The following CREBBP variants were observed in gnomAD, a reference collection of about 807,000 sequenced individuals.
CREBBP encodes the protein CREB binding lysine acetyltransferase.
CREBBP carries 19 observed loss-of-function variants against 265.0 expected under a neutral mutation model. The ratio of observed to expected loss-of-function variants is 0.07; its 90% confidence interval spans 0.05 to 0.11. The LOEUF (loss-of-function observed/expected upper bound fraction) is 0.11, where lower values mean the gene tolerates loss of function less well. Ranked by LOEUF, CREBBP falls within the 10% of genes least tolerant of loss-of-function variation. CREBBP has a pLI of 1.00. For missense variants in CREBBP, 2,525 were observed against 3,219.0 expected, an observed-to-expected ratio of 0.78 and a Z score of 5.22; for synonymous variants, 1,457 against 1,223.7, an observed-to-expected ratio of 1.19 and a Z score of -3.98.
chr16:3,757,605 C>T (rs547415499), intron 18 of CREBBP, among the ~76,000 whole-genome samples: 17 of 152,124 alleles, frequency 1.1e-4, no homozygotes, highest in Non-Finnish European at 2.2e-4. Context: ...CAGCCAGAAA[C>T]GCTTCCCCAT....
At chr16:3,780,993 C>A in intron 7 of CREBBP, 115 bp from the exon 8 acceptor site, 1 of 1,218,292 alleles carries the variant, frequency 8.2e-7, no homozygotes. Context: ...TCAGGAGAGC[C>A]AAGTGATGTA....
chr16:3,843,156 T>A (rs1308066325), intron 2 of CREBBP, among the ~76,000 whole-genome samples: 1 of 152,128 alleles, frequency 6.6e-6, no homozygotes, highest in Non-Finnish European at 1.5e-5. Context: ...TGCATTGCAT[T>A]AGTGTTAACA....
intron 1 of CREBBP, among the ~76,000 whole-genome samples, chr16:3,865,991 T>C (rs1251585817): frequency 6.6e-6 from 1 of 152,174 alleles, no homozygotes; most frequent in Non-Finnish European, 1.5e-5. Context: ...GCCCAGGTGA[T>C]TAACTTCAGC....
Position 3,850,287 on chromosome 16 carries a change from G to C in CREBBP, c.798+10C>G. 6.2e-7 allele frequency: 1 copy of C among 1,614,074 alleles called. No individual in the cohort carries two copies. The highest frequency in any genetic ancestry group is 8.5e-7 in the Non-Finnish European group (1 of 1,179,912). ...GGTAGGAAGTATTGAAAGTGCTTCA[G>C]TTCACTTACCTTGGCCATGCCTCCT... On this transcript the variant is annotated intron_variant, in intron 2 of 30. Transcript: ENST00000262367.
intron 1 of CREBBP, among the ~76,000 whole-genome samples, chr16:3,860,703 T>G (rs917766683): frequency 1.3e-5 from 2 of 152,206 alleles, no homozygotes; most frequent in African/African-American, 4.8e-5. Flanking sequence ...ACAAAAAACT[T>G]GATCCAGCAA....
At chr16:3,872,896 C>T (rs574741131) in intron 1 of CREBBP, among the ~76,000 whole-genome samples, 1 of 152,374 alleles carries the variant, frequency 6.6e-6, no homozygotes, top group African/African-American at 2.4e-5. Flanking sequence ...TCAACCATCC[C>T]AGGGCCTGCC....
At chr16:3,877,993 G>A (rs1362423426) in intron 1 of CREBBP, among the ~76,000 whole-genome samples, 1 of 152,180 alleles carries the variant, frequency 6.6e-6, no homozygotes, top group Non-Finnish European at 1.5e-5. Flanking sequence ...TCCAATAATG[G>A]ACACTACTAT....
At chr16:3,761,481 C>T in intron 16 of CREBBP, 1 of 508,092 alleles carries the variant, frequency 2.0e-6, no homozygotes, top group Non-Finnish European at 3.9e-6. Flanking sequence ...AGGAAAAACC[C>T]ATGTGTTTAA....
intron 18 of CREBBP, 118 bp downstream of exon 18, chr16:3,757,691 A>T: frequency 7.1e-7 from 1 of 1,416,952 alleles, no homozygotes. Context: ...CTGTGTCACC[A>T]GACAGCAGAT....
intron 2 of CREBBP, among the ~76,000 whole-genome samples, chr16:3,835,689 C>T (rs1243838497): frequency 6.7e-6 from 1 of 150,350 alleles, no homozygotes; most frequent in Non-Finnish European, 1.5e-5. Context: ...ACGCCATTCT[C>T]CTGCCTCAGC....
intron 5 of CREBBP, among the ~76,000 whole-genome samples, chr16:3,791,447 G>T (rs1351904140): frequency 1.3e-5 from 2 of 152,180 alleles, no homozygotes; most frequent in Admixed American, 6.5e-5. Flanking sequence ...TATACAAAGA[G>T]TTCTGGGGAC....
At chr16:3,847,566 C>G (rs1182274205) in intron 2 of CREBBP, among the ~76,000 whole-genome samples, 1 of 152,230 alleles carries the variant, frequency 6.6e-6, no homozygotes, top group African/African-American at 2.4e-5. Flanking sequence ...CAAGAGACAA[C>G]TGTCCCCAGC....
chr16:3,763,390 G>A, intron 16 of CREBBP, among the ~76,000 whole-genome samples: 1 of 151,314 alleles, frequency 6.6e-6, no homozygotes, highest in Admixed American at 6.6e-5. Context: ...TGAACTCTGG[G>A]CCTCAAGTGA....
intron 3 of CREBBP, among the ~76,000 whole-genome samples, chr16:3,810,339 G>C (rs2053912934): frequency 1.3e-5 from 2 of 152,214 alleles, no homozygotes; most frequent in Non-Finnish European, 1.5e-5. Context: ...GAAAGGTAAA[G>C]TGATTCGTGC....
intron 1 of CREBBP, among the ~76,000 whole-genome samples, chr16:3,870,898 C>A (rs2055279994): frequency 6.6e-6 from 1 of 151,984 alleles, no homozygotes; most frequent in African/African-American, 2.4e-5. Context: ...CCATCTCACA[C>A]CTGTAATTCC....
Position 3,773,731 on chromosome 16 carries a change from G to C in CREBBP, c.2463+20C>G, listed in dbSNP as rs2141214005. 6.2e-7 allele frequency: 1 copy of C among 1,612,816 alleles called. No homozygotes were observed. Among genetic ancestry groups the C allele is most frequent in the Non-Finnish European group, 8.5e-7 (1 of 1,179,144 alleles). ...GAATTTTATTTCCTAGGGAGCCACG[G>C]TCCCAGTGGGGCACAGTACCTGTGA... On this transcript the variant is annotated intron_variant, in intron 13 of 30. Transcript: ENST00000262367.
intron 9 of CREBBP, 128 bp downstream of exon 9, chr16:3,778,572 G>T: frequency 1.2e-6 from 1 of 831,512 alleles, no homozygotes; most frequent in South Asian, 1.3e-5. Context: ...TCCTTGGTCA[G>T]TGGCCTCAAG....
In CREBBP at chr16:3,849,448, T is replaced by TGTGTG. The variant is rs1567360695; in HGVS notation, c.798+844_798+848dup. Among the ~76,000 whole-genome samples the TGTGTG allele has an allele frequency of 8.9e-4, 45 of 50,384 alleles. 2 individuals are homozygous for TGTGTG. The highest frequency in any genetic ancestry group is 4.5e-3 in the East Asian group (5 of 1,118). 33.1% of individuals were successfully genotyped at this position (50,384 alleles called of 152,430 possible). A position where few individuals can be genotyped will look rare whatever the true frequency, so the allele number is the denominator to read the frequency against. On this transcript the variant is annotated intron_variant, in intron 2 of 30. Coordinates refer to ENST00000262367, the MANE Select transcript of CREBBP (RefSeq NM_004380.3). Reference sequence around the variant, plus strand: ...GTGTGTGTGTGTGTGTGTGTGTGTGTGTGTGTGTGTGTGTGTGTGTGTGTG... The same window carrying TGTGTG: ...GTGTGTGTGTGTGTGTGTGTGTGTGTGTGTGGTGTGTGTGTGTGTGTGTGTGTGTG...
At chr16:3,750,092 T>C (rs2052438840) in intron 20 of CREBBP, among the ~76,000 whole-genome samples, 1 of 152,126 alleles carries the variant, frequency 6.6e-6, no homozygotes, top group Non-Finnish European at 1.5e-5. Flanking sequence ...TCTCATTATG[T>C]TGCCAAGGCT....
Sources: gnomAD v4.1 joint callset for allele counts (sites outside exome capture counted in the v4.1 genomes callset) on GRCh38, gnomAD v4.1.1 for gene constraint, MANE v1.5 for transcripts, NCBI Gene and HGNC (gene_info 2026-07-23, HGNC 2026-07-21) for gene names.